Variants in PACRG observed in about 807,000 individuals in gnomAD.
PACRG encodes the protein parkin coregulated gene protein.
PACRG carries 29 observed loss-of-function variants against 29.7 expected under a neutral mutation model. The ratio of observed to expected loss-of-function variants is 0.98; its 90% CI spans 0.73 to 1.33. The LOEUF (loss-of-function observed/expected upper bound fraction) is 1.33, where lower values mean the gene tolerates loss of function less well. Ranked by LOEUF, PACRG falls within the 40% of genes most tolerant of loss-of-function variation. The pLI, the probability that PACRG is intolerant of heterozygous loss-of-function variation, is 0.00. For synonymous variants in PACRG, 116 were observed against 118.7 expected (o/e 0.98, Z 0.15); for missense variants, 279 against 316.2 (o/e 0.88, Z 0.89).
chr6:162,968,953 A>G (rs143647920), intron 2 of PACRG, among the ~76,000 whole-genome samples: 1 of 147,908 alleles, frequency 6.8e-6, no homozygotes, highest in East Asian at 2.1e-4. Flanking sequence ...AGGCTGAGGC[A>G]GGAGAATCGC....
intron 2 of PACRG, among the ~76,000 whole-genome samples, chr6:162,895,105 G>GC (rs1795066219): frequency 8.4e-6 from 1 of 118,392 alleles, no homozygotes; most frequent in Non-Finnish European, 1.8e-5. Context: ...CTACCCCCCC[G>GC]CCCCCAAAAA....
intron 2 of PACRG, among the ~76,000 whole-genome samples, chr6:163,015,861 A>G (rs1318198947): frequency 1.3e-5 from 2 of 152,098 alleles, no homozygotes; most frequent in Non-Finnish European, 2.9e-5. Flanking sequence ...TTTTAAAAGG[A>G]GTGTTATCTT....
intron 4 of PACRG, among the ~76,000 whole-genome samples, chr6:163,164,603 G>T (rs528072764): frequency 1.3e-5 from 2 of 152,292 alleles, no homozygotes; most frequent in Admixed American, 6.5e-5. Context: ...ACTCCTCCAG[G>T]AACGATGCGG....
At chr6:163,035,971 A>G (rs1024739092) in intron 2 of PACRG, among the ~76,000 whole-genome samples, 1 of 152,160 alleles carries the variant, frequency 6.6e-6, no homozygotes, top group African/African-American at 2.4e-5. Context: ...CACTGGGAAC[A>G]ATGAAAGGAA....
intron 4 of PACRG, among the ~76,000 whole-genome samples, chr6:163,307,876 C>T (rs1785247711): frequency 6.6e-6 from 1 of 152,220 alleles, no homozygotes. Context: ...TCCCCTGCCT[C>T]TTTCTTTTCT....
At chr6:163,249,171 G>A (rs1484345042) in intron 4 of PACRG, among the ~76,000 whole-genome samples, 5 of 152,116 alleles carry the variant, frequency 3.3e-5, no homozygotes, top group East Asian at 3.9e-4. Flanking sequence ...TGGCCTGTAC[G>A]CTGAAACAAG....
chr6:162,953,329 T>C (rs1399980696), intron 2 of PACRG, among the ~76,000 whole-genome samples: 1 of 152,206 alleles, frequency 6.6e-6, no homozygotes, highest in East Asian at 1.9e-4. Flanking sequence ...CGACAGCTAC[T>C]TGCAATGTTC....
chr6:163,004,737 T>TACACACACAC (rs146095540), intron 2 of PACRG, among the ~76,000 whole-genome samples: 8 of 135,530 alleles, frequency 5.9e-5, no homozygotes, highest in African/African-American at 2.5e-4. Context: ...TATATATATA[T>TACACACACAC]ACACACACAC....
intron 4 of PACRG, among the ~76,000 whole-genome samples, chr6:163,284,209 T>A (rs4709690): frequency 0.72 from 110,143 of 152,210 alleles, 40,107 homozygotes; most frequent in African/African-American, 0.8. Context: ...ACTGTAGGTT[T>A]TCTGGAAGAT....
At position 162,882,817 on chromosome 6, in the gene PACRG, C is replaced by T. The variant is rs571124819; in HGVS notation, c.291+68536C>T. On this transcript the variant is annotated intron_variant, in intron 2 of 4. Transcript: ENST00000366888. ...TTTTCTGACCTTCGTGAATTATTTC[C>T]ATTGTGCTCACTCGCGTCTTCCCCA... 2.3e-3 allele frequency among the ~76,000 whole-genome samples: 357 copies of T among 152,324 alleles called. 2 individuals carry two copies. The highest frequency in any genetic ancestry group is 8.2e-3 in the African/African-American group (340 of 41,568).
At chr6:162,995,435 G>A (rs1347729401) in intron 2 of PACRG, among the ~76,000 whole-genome samples, 3 of 152,172 alleles carry the variant, frequency 2.0e-5, no homozygotes, top group Non-Finnish European at 4.4e-5. Flanking sequence ...GTGGGATATA[G>A]TCTCGTGGTG....
chr6:162,971,507 A>G (rs1801525448), intron 2 of PACRG, among the ~76,000 whole-genome samples: 2 of 152,316 alleles, frequency 1.3e-5, no homozygotes, highest in South Asian at 2.1e-4. Flanking sequence ...TATCTACAAC[A>G]TAAAACAAAA....
At chr6:163,224,994 A>G (rs1315194022) in intron 4 of PACRG, among the ~76,000 whole-genome samples, 1 of 152,230 alleles carries the variant, frequency 6.6e-6, no homozygotes, top group East Asian at 1.9e-4. Context: ...AAACAATTTG[A>G]TAGCAAGAAA....
intron 2 of PACRG, among the ~76,000 whole-genome samples, chr6:162,875,372 TAC>T (rs1562688054): frequency 6.6e-6 from 1 of 151,006 alleles, no homozygotes; most frequent in Non-Finnish European, 1.5e-5. Flanking sequence ...CACACATTCA[TAC>T]ACAGACATTC....
chr6:163,298,187 T>C (rs1476022787), intron 4 of PACRG, among the ~76,000 whole-genome samples: 1 of 152,062 alleles, frequency 6.6e-6, no homozygotes, highest in Non-Finnish European at 1.5e-5. Context: ...GATGAGACTT[T>C]GTTTTCTTTA....
chr6:162,911,673 A>G (rs1158139642), intron 2 of PACRG, among the ~76,000 whole-genome samples: 1 of 152,192 alleles, frequency 6.6e-6, no homozygotes, highest in Non-Finnish European at 1.5e-5. Flanking sequence ...CTTTAGATTT[A>G]CTTGTTACTG....
chr6:162,904,868 G>T (rs1795818778), intron 2 of PACRG, among the ~76,000 whole-genome samples: 1 of 152,202 alleles, frequency 6.6e-6, no homozygotes. Context: ...ACTATCTTTG[G>T]GTGAAGATTA....
chr6:162,770,029 C>T (rs541113429), intron 1 of PACRG, among the ~76,000 whole-genome samples: 1 of 151,984 alleles, frequency 6.6e-6, no homozygotes, highest in East Asian at 1.9e-4. Context: ...AGGGCTATCA[C>T]AAATAAATGA....
chr6:162,921,469 G>C (rs4565281), intron 2 of PACRG, among the ~76,000 whole-genome samples: 24,182 of 152,110 alleles, frequency 0.16, 2,301 homozygotes, highest in Middle Eastern at 0.25. Flanking sequence ...CTGACCTCTG[G>C]GGGTGTTTTG....
Sources: gnomAD v4.1 joint callset for allele counts (sites outside exome capture counted in the v4.1 genomes callset) on GRCh38, gnomAD v4.1.1 for gene constraint, MANE v1.5 for transcripts, NCBI Gene and HGNC (gene_info 2026-07-23, HGNC 2026-07-21) for gene names.